The following MEGF11 variants were observed in gnomAD, a reference collection of about 807,000 sequenced individuals.
MEGF11 encodes multiple EGF like domains 11.
In MEGF11, 126 loss-of-function variants were observed where a neutral mutation model predicts 146.6. The ratio of observed to expected loss-of-function variants is 0.86; its 90% confidence interval spans 0.74 to 1.00. The LOEUF (loss-of-function observed/expected upper bound fraction) is 1.00. Among genes scored for constraint, MEGF11 ranks in the 50% least tolerant of loss-of-function variants. The probability of loss-of-function intolerance (pLI) is 0.00; values close to 1 mark genes in which losing one functional copy is unlikely to be tolerated. For missense variants in MEGF11, 1,509 were observed against 1,521.2 expected (o/e 0.99, Z 0.13); for synonymous variants, 532 against 583.4 (o/e 0.91, Z 1.27).
At chr15:66,076,019 C>A (rs559346740) in intron 5 of MEGF11, among the ~76,000 whole-genome samples, 92 of 152,144 alleles carry the variant, frequency 6.0e-4, no homozygotes, top group Admixed American at 1.8e-3. Context: ...GTGTCTGGCA[C>A]ATGGAAAGGG....
intron 13 of MEGF11, among the ~76,000 whole-genome samples, chr15:65,926,169 G>T (rs1357434870): frequency 6.6e-6 from 1 of 152,198 alleles, no homozygotes; most frequent in Non-Finnish European, 1.5e-5. Context: ...CAATATAAAG[G>T]CTTGGTAATT....
chr15:66,131,625 T>G (rs559247478), intron 1 of MEGF11, among the ~76,000 whole-genome samples: 2 of 152,272 alleles, frequency 1.3e-5, no homozygotes, highest in East Asian at 3.9e-4. Context: ...TGGAGGGCAT[T>G]CTCTACAGCT....
intron 7 of MEGF11, among the ~76,000 whole-genome samples, chr15:65,974,726 C>T (rs761804797): frequency 1.3e-5 from 2 of 152,076 alleles, no homozygotes; most frequent in Non-Finnish European, 2.9e-5. Flanking sequence ...CCAGGCATGG[C>T]GGGGGCCTCT....
intron 5 of MEGF11, among the ~76,000 whole-genome samples, chr15:66,008,576 T>C (rs1036527724): frequency 6.6e-6 from 1 of 152,108 alleles, no homozygotes; most frequent in African/African-American, 2.4e-5. Context: ...ATAATCCCAG[T>C]ACTTTGGGAG....
In MEGF11 at chr15:65,970,661, G is replaced by C. The variant is rs773765565; in HGVS notation, c.791C>G (p.Pro264Arg). ...TGAVCAQPCP[P>R]GTFGQNCSQD... ...GCTGCAGTTCTGGCCAAATGTCCCT[G>C]GTGGGCAGGGCTGGGCACACACTGC... The change falls in exon 8 of 26, where the codon CCA becomes CGA. Residue 264 changes from proline (P) to arginine (R), a missense_variant. Coordinates refer to ENST00000395614, the MANE Select transcript of MEGF11 (RefSeq NM_001385028.1). The C allele has an allele frequency of 2.5e-6, 4 of 1,612,738 alleles. No individual in the cohort carries two copies. The South Asian group carries it at 4.4e-5, about 18-fold the overall frequency.
chr15:66,109,407 C>A (rs368364092), intron 4 of MEGF11, among the ~76,000 whole-genome samples: 1 of 152,164 alleles, frequency 6.6e-6, no homozygotes, highest in Non-Finnish European at 1.5e-5. Context: ...CTCTGCCAGA[C>A]GAGGCCCTCC....
chr15:66,006,870 G>T (rs2082536587), intron 5 of MEGF11, among the ~76,000 whole-genome samples: 1 of 152,216 alleles, frequency 6.6e-6, no homozygotes, highest in Admixed American at 6.5e-5. Context: ...CACATAATGG[G>T]AGGGAGACCT....
At chr15:66,111,904 C>T (rs80061078) in intron 4 of MEGF11, among the ~76,000 whole-genome samples, 2,562 of 152,080 alleles carry the variant, frequency 0.017, 71 homozygotes, top group African/African-American at 0.057. Context: ...AGAGAAAAAA[C>T]ACCCCAAGCC....
At chr15:66,121,361 C>T (rs1452980630) in intron 3 of MEGF11, among the ~76,000 whole-genome samples, 1 of 152,228 alleles carries the variant, frequency 6.6e-6, no homozygotes, top group African/African-American at 2.4e-5. Flanking sequence ...CCCACCTCCT[C>T]ATTCCACAGT....
At chr15:65,914,114 G>A in intron 19 of MEGF11, 141 bp from the exon 20 acceptor site, 1 of 645,736 alleles carries the variant, frequency 1.5e-6, no homozygotes, top group East Asian at 2.7e-5. Context: ...GTCCCTATGT[G>A]ACTACCCCCA....
chr15:65,969,597 C>G (rs1318188125), intron 8 of MEGF11, among the ~76,000 whole-genome samples: 1 of 152,202 alleles, frequency 6.6e-6, no homozygotes, highest in Non-Finnish European at 1.5e-5. Context: ...GGGGCTGATT[C>G]TAGTGGGAGC....
At chr15:65,942,891 C>T (rs1282024083) in intron 10 of MEGF11, among the ~76,000 whole-genome samples, 4 of 151,282 alleles carry the variant, frequency 2.6e-5, no homozygotes, top group Admixed American at 2.6e-4. Flanking sequence ...AGCATATGAC[C>T]CTAATCAATC....
chr15:65,996,766 G>T (rs573586528), intron 5 of MEGF11, among the ~76,000 whole-genome samples: 1 of 152,172 alleles, frequency 6.6e-6, no homozygotes, highest in East Asian at 1.9e-4. Context: ...GATTACAGGC[G>T]TGAGGCACCA....
intron 4 of MEGF11, among the ~76,000 whole-genome samples, chr15:66,105,871 C>A (rs2087048602): frequency 6.6e-6 from 1 of 152,232 alleles, no homozygotes; most frequent in South Asian, 2.1e-4. Flanking sequence ...GTCCCTGCAC[C>A]TGGCCACACC....
intron 7 of MEGF11, among the ~76,000 whole-genome samples, chr15:65,973,115 CT>C (rs1418113637): frequency 2.0e-4 from 12 of 58,898 alleles, no homozygotes; most frequent in Non-Finnish European, 4.7e-4. Flanking sequence ...AAAACTCTGT[CT>C]CAAAAAAAAA....
At chr15:66,113,659 C>T (rs1177775353) in intron 4 of MEGF11, among the ~76,000 whole-genome samples, 1 of 152,054 alleles carries the variant, frequency 6.6e-6, no homozygotes, top group Non-Finnish European at 1.5e-5. Context: ...TTTGGGAGGC[C>T]GAGGCGGGTG....
Position 65,980,805 on chromosome 15 carries a change from G to A in MEGF11, c.735C>T (p.Gly245=), listed in dbSNP as rs979799841. ...QNGGTCHHIT[G]ECACPPGWTG... is the part of the protein sequence containing the mutation. ...TCCAGCCTGGGGGGCAGGCACACTC[G>A]CCAGTGATGTGGTGGCAGGTGCCCC... Residue 245 remains glycine (G), a synonymous_variant, in exon 7 of 26, where the codon GGC becomes GGT. Coordinates refer to ENST00000395614, the MANE Select transcript of MEGF11 (RefSeq NM_001385028.1). The A allele has an allele frequency of 1.3e-5, 21 of 1,607,082 alleles. No homozygotes were observed. Among genetic ancestry groups the A allele is most frequent in the Non-Finnish European group, 1.7e-5 (20 of 1,177,184 alleles).
chr15:65,913,715 A>G (rs1012278216), intron 20 of MEGF11, 22 bp downstream of exon 20: 1 of 1,582,914 alleles, frequency 6.3e-7, no homozygotes, highest in African/African-American at 1.3e-5. Context: ...AAGAGGAGGG[A>G]GGCCAGGAGC....
At chr15:65,993,302 ACAGGGACC>A (rs2082110270) in intron 5 of MEGF11, among the ~76,000 whole-genome samples, 1 of 152,158 alleles carries the variant, frequency 6.6e-6, no homozygotes, top group Non-Finnish European at 1.5e-5. Flanking sequence ...GGGCTGTCCC[ACAGGGACC>A]CAGGGACCCA....
Sources: allele counts gnomAD v4.1 joint callset (sites outside exome capture counted in the v4.1 genomes callset), GRCh38; gene constraint gnomAD v4.1.1; transcripts MANE v1.5; gene names NCBI Gene and HGNC (gene_info 2026-07-23, HGNC 2026-07-21).